WIF1: variants seen among roughly 807,000 people sequenced by gnomAD.
The protein encoded by WIF1 is Wnt inhibitory factor 1.
WIF1 carries 35 observed loss-of-function variants against 53.5 expected under a neutral mutation model. The ratio of observed to expected loss-of-function variants is 0.65; its 90% confidence interval spans 0.50 to 0.87. The LOEUF (loss-of-function observed/expected upper bound fraction) is 0.87, where lower values mean the gene tolerates loss of function less well. Ranked by LOEUF, WIF1 falls within the 40% of genes least tolerant of loss-of-function variation. The pLI, the probability that WIF1 is intolerant of heterozygous loss-of-function variation, is 0.00. For synonymous variants in WIF1, 171 were observed against 170.4 expected (o/e 1.00, Z -0.03); for missense variants, 467 against 476.8 (o/e 0.98, Z 0.19).
intron 2 of WIF1, among the ~76,000 whole-genome samples, chr12:65,088,676 T>G (rs1428589613): frequency 1.3e-5 from 2 of 152,210 alleles, no homozygotes; most frequent in Non-Finnish European, 2.9e-5. Context: ...TAATGACAAG[T>G]AACTTCTCCT....
At chr12:65,108,527 C>A (rs1225242408) in intron 2 of WIF1, among the ~76,000 whole-genome samples, 2 of 152,180 alleles carry the variant, frequency 1.3e-5, no homozygotes, top group Admixed American at 1.3e-4. Flanking sequence ...TTATTGATTT[C>A]TTAGTTACAA....
chr12:65,074,937 GTCTT>G (rs1365678045), intron 3 of WIF1, among the ~76,000 whole-genome samples: 2 of 151,936 alleles, frequency 1.3e-5, no homozygotes, highest in Non-Finnish European at 2.9e-5. Context: ...TGGCTGGAGT[GTCTT>G]TCTCTTCTCC....
chr12:65,104,838 A>G (rs1883331313), intron 2 of WIF1, among the ~76,000 whole-genome samples: 1 of 152,224 alleles, frequency 6.6e-6, no homozygotes, highest in Non-Finnish European at 1.5e-5. Flanking sequence ...TTTTCTCATT[A>G]GAGCATAAAG....
At chr12:65,114,125 C>T (rs184185139) in intron 2 of WIF1, among the ~76,000 whole-genome samples, 1 of 152,036 alleles carries the variant, frequency 6.6e-6, no homozygotes, top group Admixed American at 6.5e-5. Flanking sequence ...TTGGCAGTTC[C>T]TTTGAAGTTG....
intron 2 of WIF1, among the ~76,000 whole-genome samples, chr12:65,098,242 CTGTT>C (rs1883233186): frequency 6.6e-6 from 1 of 152,158 alleles, no homozygotes; most frequent in African/African-American, 2.4e-5. Flanking sequence ...CTTTTCAACT[CTGTT>C]TGAAAAATCT....
At chr12:65,113,070 T>C (rs1883457105) in intron 2 of WIF1, among the ~76,000 whole-genome samples, 1 of 152,144 alleles carries the variant, frequency 6.6e-6, no homozygotes, top group African/African-American at 2.4e-5. Flanking sequence ...TGCACCTGGC[T>C]CTGTATTTGT....
chr12:65,116,250 A>G (rs948161390), intron 2 of WIF1, among the ~76,000 whole-genome samples: 2 of 152,138 alleles, frequency 1.3e-5, no homozygotes, highest in Non-Finnish European at 2.9e-5. Context: ...ATGGCCTGTT[A>G]GGAACCAGGC....
intron 2 of WIF1, among the ~76,000 whole-genome samples, chr12:65,092,697 A>G (rs554786947): frequency 3.3e-5 from 5 of 152,148 alleles, no homozygotes; most frequent in Non-Finnish European, 7.4e-5. Flanking sequence ...TGGCACATTC[A>G]TAAAAATAGC....
At chr12:65,066,781 G>A in intron 5 of WIF1, 45 bp from the exon 6 acceptor site, 1 of 1,438,418 alleles carries the variant, frequency 7.0e-7, no homozygotes, top group East Asian at 2.4e-5. Context: ...TGGTATTTTG[G>A]AGCAGGACCA....
rs201982949 is a variant in WIF1, at chr12:65,051,411, T to C, written c.1078A>G (p.Thr360Ala). 39 of 1,613,840 alleles carry C rather than the reference T, an allele frequency of 2.4e-5. No individual in the cohort carries two copies. In the East Asian group the frequency reaches 7.1e-4, roughly 30 times the overall value. Residue 360 changes from threonine (T) to alanine (A), a missense_variant, in exon 10 of 10, where the codon ACG becomes GCG. By Grantham distance (58) the Thr-to-Ala change is moderately conservative. Coordinates refer to ENST00000286574, the MANE Select transcript of WIF1 (RefSeq NM_007191.5). ...RPAGAQLRQH[T>A]PSLKKAEERR... is the part of the protein sequence containing the mutation. ...TCCTCGGCCTTTTTAAGTGAAGGCG[T>C]GTGCTGCCTGAGCTGGGCGCCTGCT... is the stretch of plus-strand genomic sequence containing the variant.
chr12:65,101,832 T>A (rs1300657985), intron 2 of WIF1, among the ~76,000 whole-genome samples: 1 of 152,202 alleles, frequency 6.6e-6, no homozygotes, highest in East Asian at 1.9e-4. Context: ...AGTGTGATAC[T>A]CTGAGTTCAG....
intron 2 of WIF1, among the ~76,000 whole-genome samples, chr12:65,089,169 G>T (rs1473038358): frequency 2.0e-5 from 3 of 152,064 alleles, no homozygotes; most frequent in Non-Finnish European, 4.4e-5. Context: ...ACATTGGAAA[G>T]ATAATGGACA....
chr12:65,057,129 A>AACACAAAAC (rs1882540844), intron 7 of WIF1, among the ~76,000 whole-genome samples: 1 of 152,172 alleles, frequency 6.6e-6, no homozygotes. Context: ...AGGGAAATGC[A>AACACAAAAC]ACACAAAAGT....
intron 2 of WIF1, among the ~76,000 whole-genome samples, chr12:65,112,450 A>ACACACACACACACACC (rs1465604431): frequency 6.7e-6 from 1 of 148,234 alleles, no homozygotes; most frequent in African/African-American, 2.5e-5. Flanking sequence ...ACACACACAC[A>ACACACACACACACACC]CCATCCTGGA....
At chr12:65,062,649 G>T in intron 6 of WIF1, 73 bp from the exon 7 acceptor site, 1 of 1,389,504 alleles carries the variant, frequency 7.2e-7, no homozygotes, top group Non-Finnish European at 9.9e-7. Context: ...CTTAAAGTGA[G>T]GTGCTATTTT....
chr12:65,085,735 A>G (rs1565755209), intron 2 of WIF1, among the ~76,000 whole-genome samples: 1 of 152,170 alleles, frequency 6.6e-6, no homozygotes, highest in Non-Finnish European at 1.5e-5. Context: ...AGTGGGCTGG[A>G]CTGAGGGAGT....
At chr12:65,106,770 T>A (rs1200118534) in intron 2 of WIF1, among the ~76,000 whole-genome samples, 1 of 152,234 alleles carries the variant, frequency 6.6e-6, no homozygotes, top group Middle Eastern at 3.2e-3. Flanking sequence ...TTGGATGAGC[T>A]CTGGAATCTC....
chr12:65,073,850 C>G (rs558636852), intron 3 of WIF1, among the ~76,000 whole-genome samples: 20 of 152,240 alleles, frequency 1.3e-4, no homozygotes, highest in African/African-American at 4.3e-4. Flanking sequence ...ACAAATTCTA[C>G]ATCTGCTTCA....
intron 2 of WIF1, among the ~76,000 whole-genome samples, chr12:65,114,416 C>T (rs1481721884): frequency 6.6e-6 from 1 of 152,106 alleles, no homozygotes; most frequent in Non-Finnish European, 1.5e-5. Context: ...TCTGTTTTCC[C>T]TTTTTTCCAG....
Sources: allele counts gnomAD v4.1 joint callset (sites outside exome capture counted in the v4.1 genomes callset), GRCh38; gene constraint gnomAD v4.1.1; transcripts MANE v1.5; gene names NCBI Gene and HGNC (gene_info 2026-07-23, HGNC 2026-07-21).